Variants in CAST observed in about 807,000 individuals in gnomAD.
CAST encodes the protein MIR583 host.
CAST carries 76 observed loss-of-function variants against 119.6 expected under a neutral mutation model. That is an observed-to-expected ratio of 0.64 (90% confidence interval 0.53 to 0.77). The LOEUF is 0.77. CAST is among the 30% of genes least tolerant of loss of function. The pLI is 0.00. For missense variants in CAST, 953 were observed against 946.5 expected, an observed-to-expected ratio of 1.01 and a Z score of -0.09; for synonymous variants, 319 against 331.6, an observed-to-expected ratio of 0.96 and a Z score of 0.41.
At chr5:96,712,563 A>G (rs973981341) in intron 3 of CAST, among the ~76,000 whole-genome samples, 3 of 152,174 alleles carry the variant, frequency 2.0e-5, no homozygotes, top group African/African-American at 7.2e-5. Flanking sequence ...TCCTGGGCTC[A>G]ATCAATCCTC....
At chr5:96,476,927 C>CAAAA in the CAST span, among the ~76,000 whole-genome samples, 10 of 132,132 alleles carry the variant, frequency 7.6e-5, no homozygotes, top group East Asian at 4.6e-4. Context: ...ATGTGGATGG[C>CAAAA]AAAAAAAAAA....
chr5:96,413,067 T>A, the CAST span: 1 of 511,204 alleles, frequency 2.0e-6, no homozygotes, highest in Non-Finnish European at 2.5e-6. Context: ...AACAGGAAAC[T>A]AACAAATAGG....
chr5:96,442,963 T>A, the CAST span, among the ~76,000 whole-genome samples: 3 of 152,340 alleles, frequency 2.0e-5, no homozygotes, highest in South Asian at 2.1e-4. Context: ...TTTTCTTTTT[T>A]CTCCTTCTTC....
the CAST span, among the ~76,000 whole-genome samples, chr5:96,216,242 A>C: frequency 6.6e-6 from 1 of 152,210 alleles, no homozygotes; most frequent in Non-Finnish European, 1.5e-5. Flanking sequence ...GGCTATTAGC[A>C]GTTAAGTTTT....
intron 16 of CAST, among the ~76,000 whole-genome samples, chr5:96,745,865 G>A (rs1763654099): frequency 6.6e-6 from 1 of 152,172 alleles, no homozygotes; most frequent in African/African-American, 2.4e-5. Context: ...AATTAGTCGT[G>A]TTTCCTCTCC....
the CAST span, among the ~76,000 whole-genome samples, chr5:96,127,029 C>G: frequency 2.6e-4 from 39 of 152,128 alleles, no homozygotes; most frequent in East Asian, 7.1e-3. Context: ...GTGGGCGATC[C>G]AAATCTTCGT....
the CAST span, among the ~76,000 whole-genome samples, chr5:96,000,044 G>A: frequency 2.0e-5 from 3 of 151,960 alleles, no homozygotes; most frequent in South Asian, 6.2e-4. Context: ...ATTACTATTT[G>A]CATATCTTCT....
At chr5:96,525,007 A>T (rs1240864023), upstream of CAST, among the ~76,000 whole-genome samples, 1 of 152,220 alleles carries the variant, frequency 6.6e-6, no homozygotes, top group African/African-American at 2.4e-5. Flanking sequence ...TTCACTCCTC[A>T]TCTTGCTTCC....
intron 2 of CAST, 46 bp from the exon 3 acceptor site, chr5:96,695,790 G>T: frequency 7.9e-7 from 1 of 1,268,698 alleles, no homozygotes; most frequent in South Asian, 1.3e-5. Context: ...TGACTACATT[G>T]GTAAGGTGTT....
chr5:96,295,600 C>T, the CAST span, among the ~76,000 whole-genome samples: 1 of 152,034 alleles, frequency 6.6e-6, no homozygotes, highest in East Asian at 1.9e-4. Context: ...TCTAGGAAAC[C>T]AAAATATGTT....
chr5:96,288,147 G>T, the CAST span, among the ~76,000 whole-genome samples: 1 of 152,110 alleles, frequency 6.6e-6, no homozygotes, highest in African/African-American at 2.4e-5. Context: ...ACAAGAGCAA[G>T]AAAATTGTGA....
chr5:96,024,215 G>A, the CAST span, among the ~76,000 whole-genome samples: 23 of 152,220 alleles, frequency 1.5e-4, no homozygotes, highest in East Asian at 2.7e-3. Flanking sequence ...GAATTTACTC[G>A]TATTGTGTCA....
intron 1 of CAST, among the ~76,000 whole-genome samples, chr5:96,570,104 C>A (rs551612348): frequency 1.3e-5 from 2 of 152,268 alleles, no homozygotes; most frequent in South Asian, 4.2e-4. Flanking sequence ...TTCACAGCAC[C>A]GTGGTTGAGA....
At chr5:96,529,527 C>G (rs765900662), upstream of CAST, among the ~76,000 whole-genome samples, 2 of 151,982 alleles carry the variant, frequency 1.3e-5, no homozygotes, top group Admixed American at 1.3e-4. Context: ...TTTTTGAGAC[C>G]TGTTTAAGGC....
the CAST span, among the ~76,000 whole-genome samples, chr5:96,401,766 A>AT: frequency 1.3e-5 from 2 of 152,114 alleles, no homozygotes; most frequent in African/African-American, 4.8e-5. Context: ...CCTGGTTCTA[A>AT]TTTAACCATG....
At chr5:96,084,986 G>C in the CAST span, among the ~76,000 whole-genome samples, 1 of 152,164 alleles carries the variant, frequency 6.6e-6, no homozygotes, top group African/African-American at 2.4e-5. Context: ...AAAGCGATAG[G>C]AAGGCCCTGA....
intron 29 of CAST, chr5:96,769,396 G>GA (rs1219836867): frequency 7.6e-6 from 1 of 131,264 alleles, no homozygotes; most frequent in Non-Finnish European, 1.6e-5. Context: ...GTTTTTTTTT[G>GA]TTTTTTTTTT....
the CAST span, among the ~76,000 whole-genome samples, chr5:96,156,386 T>G: frequency 6.6e-6 from 1 of 152,198 alleles, no homozygotes; most frequent in African/African-American, 2.4e-5. Context: ...AATTCAGTCT[T>G]CAAAGGAGAC....
At chr5:96,017,947 T>A in the CAST span, among the ~76,000 whole-genome samples, 3 of 152,214 alleles carry the variant, frequency 2.0e-5, no homozygotes, top group African/African-American at 7.2e-5. Flanking sequence ...CATCTTGTTT[T>A]GAAAAATCCT....
Sources: gnomAD v4.1 joint callset for allele counts (sites outside exome capture counted in the v4.1 genomes callset) on GRCh38, gnomAD v4.1.1 for gene constraint, MANE v1.5 for transcripts, NCBI Gene and HGNC (gene_info 2026-07-23, HGNC 2026-07-21) for gene names.